Variants in DLG2 observed in about 807,000 individuals in gnomAD.
DLG2 encodes the protein discs large MAGUK scaffold protein 2.
In DLG2, 45 loss-of-function variants were observed where a neutral mutation model predicts 132.5. The observed-to-expected ratio is 0.34, with a 90% CI of 0.27 to 0.44. The LOEUF (loss-of-function observed/expected upper bound fraction) is 0.44. DLG2 is among the 20% of genes least tolerant of loss of function. The pLI is 1.00. For synonymous variants in DLG2, 424 were observed against 419.6 expected, an observed-to-expected ratio of 1.01 and a Z score of -0.13; for missense variants, 1,045 against 1,196.9, an observed-to-expected ratio of 0.87 and a Z score of 1.87.
intron 11 of DLG2, among the ~76,000 whole-genome samples, chr11:84,037,678 T>G (rs2095905351): frequency 6.6e-6 from 1 of 152,110 alleles, no homozygotes; most frequent in South Asian, 2.1e-4. Flanking sequence ...GATACTAAAT[T>G]AAATGTTTGT....
chr11:84,774,118 A>T (rs984293082), intron 6 of DLG2, among the ~76,000 whole-genome samples: 1 of 152,216 alleles, frequency 6.6e-6, no homozygotes, highest in Non-Finnish European at 1.5e-5. Context: ...TAAAAAATTC[A>T]GTAGAATTTG....
chr11:85,079,776 A>C (rs945508506), intron 6 of DLG2, among the ~76,000 whole-genome samples: 19 of 152,106 alleles, frequency 1.2e-4, no homozygotes, highest in Admixed American at 9.8e-4. Context: ...GTTTACAGGC[A>C]TGTGCCACCA....
At chr11:85,047,261 A>C (rs559325043) in intron 6 of DLG2, among the ~76,000 whole-genome samples, 4 of 152,102 alleles carry the variant, frequency 2.6e-5, no homozygotes, top group African/African-American at 9.6e-5. Flanking sequence ...TAATTTCCTC[A>C]TTAAGTACCT....
intron 6 of DLG2, among the ~76,000 whole-genome samples, chr11:84,576,349 T>A (rs1167973446): frequency 6.6e-6 from 1 of 152,202 alleles, no homozygotes; most frequent in Admixed American, 6.5e-5. Flanking sequence ...ATGAATGAAT[T>A]ATATTTATAA....
chr11:85,608,590 G>C (rs2080759930), intron 2 of DLG2, among the ~76,000 whole-genome samples: 1 of 151,980 alleles, frequency 6.6e-6, no homozygotes, highest in Non-Finnish European at 1.5e-5. Context: ...TCCCATTAAG[G>C]ATAAGCCTCC....
intron 18 of DLG2, among the ~76,000 whole-genome samples, chr11:83,783,120 T>C (rs913306783): frequency 1.3e-5 from 2 of 152,178 alleles, no homozygotes; most frequent in African/African-American, 4.8e-5. Flanking sequence ...ATGATAAAAT[T>C]GAATTTTAAA....
At chr11:85,454,182 T>A (rs2092344543) in intron 3 of DLG2, among the ~76,000 whole-genome samples, 1 of 151,224 alleles carries the variant, frequency 6.6e-6, no homozygotes, top group Non-Finnish European at 1.5e-5. Flanking sequence ...AGCATTCCCC[T>A]TTCTCCTCAA....
chr11:83,988,765 T>A (rs1381003068), intron 11 of DLG2, among the ~76,000 whole-genome samples: 1 of 152,112 alleles, frequency 6.6e-6, no homozygotes, highest in East Asian at 1.9e-4. Context: ...CAGTCTCAAT[T>A]TCTGTAGGAG....
intron 6 of DLG2, among the ~76,000 whole-genome samples, chr11:84,640,829 A>G (rs932633609): frequency 2.0e-5 from 3 of 151,942 alleles, no homozygotes; most frequent in African/African-American, 7.3e-5. Context: ...AATTCCAGCT[A>G]CTCAGGAGGC....
intron 7 of DLG2, among the ~76,000 whole-genome samples, chr11:84,338,686 A>G (rs1447072837): frequency 6.6e-6 from 1 of 152,064 alleles, no homozygotes; most frequent in East Asian, 1.9e-4. Context: ...GTCACCTGTA[A>G]TCCCAGCTAC....
intron 3 of DLG2, among the ~76,000 whole-genome samples, chr11:85,381,493 T>C (rs2085885252): frequency 6.6e-6 from 1 of 152,148 alleles, no homozygotes; most frequent in Non-Finnish European, 1.5e-5. Context: ...CTGGAGGTTT[T>C]AGCCAGGGTA....
At chr11:83,784,341 G>T (rs927057046) in intron 18 of DLG2, among the ~76,000 whole-genome samples, 1 of 152,158 alleles carries the variant, frequency 6.6e-6, no homozygotes, top group Non-Finnish European at 1.5e-5. Flanking sequence ...ATTGAAAACT[G>T]CAGTTAAATT....
intron 18 of DLG2, among the ~76,000 whole-genome samples, chr11:83,735,373 A>T (rs2091758443): frequency 6.6e-6 from 1 of 152,252 alleles, no homozygotes; most frequent in Non-Finnish European, 1.5e-5. Flanking sequence ...CTGCACAGGC[A>T]GAGAGGTGGA....
intron 7 of DLG2, among the ~76,000 whole-genome samples, chr11:84,386,862 G>A (rs1390151626): frequency 6.6e-6 from 1 of 151,630 alleles, no homozygotes; most frequent in Non-Finnish European, 1.5e-5. Flanking sequence ...GAAAAATATA[G>A]TACTTCACCA....
At chr11:85,020,312 T>C (rs1407595429) in intron 6 of DLG2, among the ~76,000 whole-genome samples, 1 of 152,154 alleles carries the variant, frequency 6.6e-6, no homozygotes, top group Non-Finnish European at 1.5e-5. Flanking sequence ...TTTGATGGGG[T>C]TGATTTTTTC....
chr11:84,052,679 T>G (rs1331028610), intron 11 of DLG2, among the ~76,000 whole-genome samples: 1 of 75,660 alleles, frequency 1.3e-5, no homozygotes, highest in Non-Finnish European at 2.7e-5. Context: ...TGGCTATTAT[T>G]AAAAAGTCAA....
intron 6 of DLG2, among the ~76,000 whole-genome samples, chr11:85,050,711 G>A (rs185866305): frequency 1.6e-4 from 24 of 152,164 alleles, no homozygotes; most frequent in Admixed American, 5.9e-4. Context: ...TATATAAAAC[G>A]ATGTGATTTG....
At chr11:85,538,359 T>C (rs1410153457) in intron 3 of DLG2, among the ~76,000 whole-genome samples, 1 of 151,884 alleles carries the variant, frequency 6.6e-6, no homozygotes, top group Non-Finnish European at 1.5e-5. Context: ...GGCAAGGCTG[T>C]GGAGAAATAG....
chr11:84,711,418 C>G (rs1197420256), intron 6 of DLG2, among the ~76,000 whole-genome samples: 2 of 140,186 alleles, frequency 1.4e-5, no homozygotes, highest in Non-Finnish European at 3.1e-5. Context: ...CCCCCTCCCC[C>G]ACCCCCCACA....
Sources: gnomAD v4.1 joint callset for allele counts (sites outside exome capture counted in the v4.1 genomes callset) on GRCh38, gnomAD v4.1.1 for gene constraint, MANE v1.5 for transcripts, NCBI Gene and HGNC (gene_info 2026-07-23, HGNC 2026-07-21) for gene names.